Variants in KCNQ3 observed in about 807,000 individuals in gnomAD.
KCNQ3 encodes the protein potassium voltage-gated channel subfamily KQT member 3.
A neutral mutation model predicts 92.5 loss-of-function variants in KCNQ3; 30 were observed. The observed-to-expected ratio is 0.32, with a 90% CI of 0.24 to 0.44. The LOEUF is 0.44. KCNQ3 is among the 20% of genes least tolerant of loss of function. The pLI is 1.00. For missense variants in KCNQ3, 913 were observed against 1,140.3 expected, an observed-to-expected ratio of 0.80 and a Z score of 2.87; for synonymous variants, 450 against 468.8, an observed-to-expected ratio of 0.96 and a Z score of 0.52.
intron 1 of KCNQ3, among the ~76,000 whole-genome samples, chr8:132,334,213 G>C (rs979822532): frequency 6.6e-6 from 1 of 152,080 alleles, no homozygotes; most frequent in South Asian, 2.1e-4. Flanking sequence ...CGGGTGTGGT[G>C]ACTCACACCT....
At chr8:132,267,848 C>G (rs1478610760) in intron 1 of KCNQ3, among the ~76,000 whole-genome samples, 1 of 152,166 alleles carries the variant, frequency 6.6e-6, no homozygotes, top group Non-Finnish European at 1.5e-5. Context: ...ATATCCCTGT[C>G]CCCAAACATG....
chr8:132,132,529 T>A (rs187508765), intron 13 of KCNQ3, among the ~76,000 whole-genome samples: 2 of 152,390 alleles, frequency 1.3e-5, no homozygotes, highest in East Asian at 3.9e-4. Context: ...GAGGCTTTGC[T>A]TTGTGTTAAA....
chr8:132,303,190 G>T (rs1455924328), intron 1 of KCNQ3, among the ~76,000 whole-genome samples: 1 of 152,008 alleles, frequency 6.6e-6, no homozygotes, highest in Non-Finnish European at 1.5e-5. Context: ...GCACCAACAG[G>T]CCCATGCTAC....
At chr8:132,383,757 G>A (rs931303263) in intron 1 of KCNQ3, among the ~76,000 whole-genome samples, 2 of 152,148 alleles carry the variant, frequency 1.3e-5, no homozygotes, top group East Asian at 3.9e-4. Context: ...TGATGGAAAA[G>A]GAACCTATCT....
chr8:132,338,182 G>A (rs1818419972), intron 1 of KCNQ3, among the ~76,000 whole-genome samples: 2 of 152,214 alleles, frequency 1.3e-5, no homozygotes, highest in African/African-American at 2.4e-5. Context: ...CAATGGCCCT[G>A]TGAGAGTATC....
intron 1 of KCNQ3, among the ~76,000 whole-genome samples, chr8:132,190,186 C>A (rs1827117862): frequency 6.6e-6 from 1 of 152,120 alleles, no homozygotes; most frequent in South Asian, 2.1e-4. Flanking sequence ...GCTCCCTGTA[C>A]CTCGGATATG....
intron 1 of KCNQ3, among the ~76,000 whole-genome samples, chr8:132,254,629 C>G (rs973987500): frequency 6.6e-6 from 1 of 152,162 alleles, no homozygotes; most frequent in African/African-American, 2.4e-5. Context: ...TGCCTGTAAT[C>G]TCGGTACGTT....
intron 1 of KCNQ3, among the ~76,000 whole-genome samples, chr8:132,429,135 A>G (rs1049701797): frequency 6.6e-6 from 1 of 152,222 alleles, no homozygotes; most frequent in African/African-American, 2.4e-5. Flanking sequence ...TTTGATCCTC[A>G]TAAGCACAGT....
chr8:132,353,076 A>T (rs1344733286), intron 1 of KCNQ3, among the ~76,000 whole-genome samples: 1 of 152,182 alleles, frequency 6.6e-6, no homozygotes, highest in Non-Finnish European at 1.5e-5. Context: ...AATACAAAAA[A>T]TGAGCCAGGC....
At chr8:132,384,126 C>T (rs543844806) in intron 1 of KCNQ3, among the ~76,000 whole-genome samples, 1 of 152,298 alleles carries the variant, frequency 6.6e-6, no homozygotes, top group East Asian at 1.9e-4. Context: ...TGCCCTAAGA[C>T]CTGCCCTCTG....
intron 1 of KCNQ3, among the ~76,000 whole-genome samples, chr8:132,443,767 G>A (rs1045062159): frequency 7.9e-5 from 12 of 151,624 alleles, no homozygotes; most frequent in African/African-American, 1.2e-4. Context: ...AGATTTCTAC[G>A]GGGTGAGTTC....
chr8:132,227,031 A>G (rs1814443663), intron 1 of KCNQ3, among the ~76,000 whole-genome samples: 1 of 150,696 alleles, frequency 6.6e-6, no homozygotes, highest in Admixed American at 6.6e-5. Flanking sequence ...AAGACAATAT[A>G]TAATTAAGTA....
intron 1 of KCNQ3, among the ~76,000 whole-genome samples, chr8:132,284,112 C>A (rs1452755083): frequency 6.6e-6 from 1 of 152,168 alleles, no homozygotes; most frequent in African/African-American, 2.4e-5. Flanking sequence ...GAGATCCACT[C>A]TGCTGTTAAT....
At chr8:132,151,337 G>A (rs1351242099) in intron 9 of KCNQ3, among the ~76,000 whole-genome samples, 3 of 152,194 alleles carry the variant, frequency 2.0e-5, no homozygotes, top group Non-Finnish European at 4.4e-5. Flanking sequence ...ACAGTAAAAT[G>A]TGTTTTTAAT....
intron 1 of KCNQ3, among the ~76,000 whole-genome samples, chr8:132,271,186 A>G (rs1816136758): frequency 6.6e-6 from 1 of 152,250 alleles, no homozygotes. Context: ...GCAAGGCCTC[A>G]AGCAAGAGCC....
intron 1 of KCNQ3, among the ~76,000 whole-genome samples, chr8:132,353,027 C>G (rs1474654324): frequency 6.6e-6 from 1 of 152,112 alleles, no homozygotes; most frequent in Admixed American, 6.5e-5. Flanking sequence ...GAGTTTGAGA[C>G]CAGCCTGCCC....
intron 1 of KCNQ3, among the ~76,000 whole-genome samples, chr8:132,293,752 A>G (rs1816925545): frequency 6.6e-6 from 1 of 152,150 alleles, no homozygotes; most frequent in South Asian, 2.1e-4. Flanking sequence ...ATTACTGAAG[A>G]GTCAGGCATG....
At chr8:132,302,798 C>T (rs888427898) in intron 1 of KCNQ3, among the ~76,000 whole-genome samples, 3 of 152,124 alleles carry the variant, frequency 2.0e-5, no homozygotes, top group South Asian at 2.1e-4. Flanking sequence ...CTAGGAAATC[C>T]ACCCATCCCA....
intron 1 of KCNQ3, chr8:132,447,365 C>A: frequency 2.3e-6 from 2 of 876,602 alleles, no homozygotes; most frequent in Admixed American, 2.0e-5. Flanking sequence ...GTAAAGGTTT[C>A]TAGGACACAG....
Sources: allele counts gnomAD v4.1 joint callset (sites outside exome capture counted in the v4.1 genomes callset), GRCh38; gene constraint gnomAD v4.1.1; transcripts MANE v1.5; gene names NCBI Gene and HGNC (gene_info 2026-07-23, HGNC 2026-07-21).